RNF213: variants seen among roughly 807,000 people sequenced by gnomAD.
RNF213 encodes the protein E3 ubiquitin-protein ligase RNF213.
In RNF213, 341 loss-of-function variants were observed where a neutral mutation model predicts 514.4. The ratio of observed to expected loss-of-function variants is 0.66; its 90% CI spans 0.61 to 0.73. The LOEUF is 0.73. Among genes scored for constraint, RNF213 ranks in the 30% least tolerant of loss-of-function variants. RNF213 has a pLI of 0.00. For synonymous variants in RNF213, 2,655 were observed against 2,658.2 expected (o/e 1.00, Z 0.04); for missense variants, 5,767 against 6,615.6 (o/e 0.87, Z 4.45).
intron 36 of RNF213, 56 bp downstream of exon 36, chr17:80,354,632 C>A: frequency 6.2e-7 from 1 of 1,603,362 alleles, no homozygotes; most frequent in Non-Finnish European, 8.5e-7. Context: ...GCATGGGGAC[C>A]TGCCTGCAGG....
intron 42 of RNF213, among the ~76,000 whole-genome samples, chr17:80,366,010 T>A (rs1309547342): frequency 6.6e-6 from 1 of 152,206 alleles, no homozygotes; most frequent in Non-Finnish European, 1.5e-5. Context: ...CAGATCTCTG[T>A]GCAGGTAACC....
chr17:80,295,103 A>C, intron 9 of RNF213, 100 bp downstream of exon 9: 1 of 1,401,780 alleles, frequency 7.1e-7, no homozygotes, highest in Middle Eastern at 2.1e-4. Context: ...CAGGTTGCAA[A>C]TGGGAATGTG....
Position 80,273,394 on chromosome 17 carries a change from C to T in RNF213, c.251C>T (p.Thr84Ile). ...GAGCCCTGTTCCAAAGCCTCCTGGA[C>T]CGTCCAAGAAGTGAGTGCACTGCCT... Reference protein sequence around the residue: ...PEEPCSKASWTVQESKKKKRK... With the variant: ...PEEPCSKASWIVQESKKKKRK... Residue 84 changes from threonine (T) to isoleucine (I), a missense_variant, in exon 3 of 68, where the codon ACC becomes ATC. This residue lies in a region of RNF213 where 509 missense variants were observed against 496.7 expected (regional missense o/e 1.02). Transcript: ENST00000582970. The T allele has an allele frequency of 6.2e-7, 1 of 1,612,742 alleles. No homozygotes were observed. Among genetic ancestry groups the T allele is most frequent in the South Asian group, 1.1e-5 (1 of 91,068 alleles).
Position 80,326,955 on chromosome 17 carries a change from T to C in RNF213, c.3194-861T>C, listed in dbSNP as rs1359369081. 3.9e-5 allele frequency among the ~76,000 whole-genome samples: 6 copies of C among 152,340 alleles called. No individual in the cohort carries two copies. In the South Asian group the frequency reaches 1.0e-3, roughly 26 times the overall value. On this transcript the variant is annotated intron_variant, in intron 18 of 67. Coordinates refer to ENST00000582970, the MANE Select transcript of RNF213 (RefSeq NM_001256071.3). The stretch of plus-strand genomic sequence containing the variant: ...AAATCCTAAGTGGTTAAACAAAACA[T>C]GTATAAAAATTCTGCCCTCTAAATT...
At chr17:80,274,397 T>C (rs1048163565) in intron 3 of RNF213, among the ~76,000 whole-genome samples, 13 of 150,004 alleles carry the variant, frequency 8.7e-5, no homozygotes, top group African/African-American at 3.0e-4. Context: ...GAAGGGCTCC[T>C]GGGCTCTAGC....
At chr17:80,282,201 G>A (rs929534441) in intron 3 of RNF213, among the ~76,000 whole-genome samples, 1 of 152,082 alleles carries the variant, frequency 6.6e-6, no homozygotes, top group African/African-American at 2.4e-5. Context: ...CCTTACCACA[G>A]GCATCTGTAT....
chr17:80,274,563 A>G (rs1186365113), intron 3 of RNF213, among the ~76,000 whole-genome samples: 3 of 69,542 alleles, frequency 4.3e-5, no homozygotes, highest in African/African-American at 1.8e-4. Context: ...GTGGGAAGTG[A>G]TGCAGCCGCA....
chr17:80,325,935 TTGTA>T (rs1487135176), intron 18 of RNF213, among the ~76,000 whole-genome samples: 20 of 128,318 alleles, frequency 1.6e-4, no homozygotes, highest in Non-Finnish European at 2.7e-4. Flanking sequence ...TTTGTGTTAT[TTGTA>T]TTTATTTATT....
intron 61 of RNF213, among the ~76,000 whole-genome samples, 167 bp from the exon 62 acceptor site, chr17:80,386,083 G>A (rs1189956083): frequency 6.6e-6 from 1 of 152,126 alleles, no homozygotes; most frequent in Non-Finnish European, 1.5e-5. Flanking sequence ...CATCAAAAGG[G>A]AGCTGAAAGC....
intron 3 of RNF213, among the ~76,000 whole-genome samples, chr17:80,277,670 G>A (rs900767028): frequency 4.6e-5 from 7 of 151,684 alleles, no homozygotes; most frequent in African/African-American, 1.7e-4. Context: ...GAATACACAG[G>A]TGAATGCCGA....
chr17:80,325,782 A>G lies in RNF213; in HGVS notation c.3193+584A>G, dbSNP rs183065313. ...AGTTGGCGTGTGAGACCTTAGATTC[A>G]TATCTTTCAGTGAGAAGGCGCTGGA... On this transcript the variant is annotated intron_variant, in intron 18 of 67. Coordinates refer to ENST00000582970, the MANE Select transcript of RNF213 (RefSeq NM_001256071.3). Among the ~76,000 whole-genome samples the G allele has an allele frequency of 7.9e-5, 12 of 152,122 alleles. No homozygotes were observed. The East Asian group carries it at 1.9e-3, about 25-fold the overall frequency.
In RNF213 at chr17:80,347,695, C is replaced by A. The variant is rs142096377; in HGVS notation, c.9360C>A (p.Tyr3120Ter). Residue 3120 changes from tyrosine to a stop codon, truncating the protein, a stop_gained, in exon 29 of 68, where the codon TAC becomes TAA. Coordinates refer to ENST00000582970, the MANE Select transcript of RNF213 (RefSeq NM_001256071.3). LOFTEE classifies it high-confidence loss of function. This position sits in a 1 kb window ranked among gnomAD's most constrained non-coding sequence, Gnocchi z 7.2. Reference sequence around the variant, plus strand: ...TCTACGACGCACTCAACCAGTACTACGTCCACCTCGGCGGCCAGAAGTACG... The same window carrying A: ...TCTACGACGCACTCAACCAGTACTAAGTCCACCTCGGCGGCCAGAAGTACG... ...ESLYDALNQY[Y>*]VHLGGQKYVD... is the part of the protein sequence containing the mutation. 1 of 1,614,014 alleles carries A rather than the reference C, an allele frequency of 6.2e-7. No individual in the cohort carries two copies. Among genetic ancestry groups the A allele is most frequent in the East Asian group, 2.2e-5 (1 of 44,886 alleles).
At position 80,346,031 on chromosome 17, in the gene RNF213, T is replaced by C. The variant is rs2078298665; in HGVS notation, c.7696T>C (p.Tyr2566His). The change falls in exon 29 of 68, where the codon TAC becomes CAC. Residue 2566 changes from tyrosine (Y) to histidine (H), a missense_variant. Physicochemically the swap from Tyr to His is moderately conservative, Grantham distance 83 (BLOSUM62 2). This residue lies in a region of RNF213 where 1,377 missense variants were observed against 1,635.2 expected (regional missense o/e 0.84). Coordinates refer to ENST00000582970, the MANE Select transcript of RNF213 (RefSeq NM_001256071.3). This position sits in a 1 kb window ranked among gnomAD's most constrained non-coding sequence, Gnocchi z 8.1. Reference sequence around the variant, plus strand: ...CTCCATTCCTCTGAGGCAGCTGGTATACCGGGTCCATGCTCTGCCCCCGAG... The same window carrying C: ...CTCCATTCCTCTGAGGCAGCTGGTACACCGGGTCCATGCTCTGCCCCCGAG... ...LGSIPLRQLV[Y>H]RVHALPPSLI... 6.2e-7 allele frequency: 1 copy of C among 1,614,178 alleles called. No individual in the cohort carries two copies. The highest frequency in any genetic ancestry group is 1.3e-5 in the African/African-American group (1 of 75,052).
Position 80,343,873 on chromosome 17 carries a change from G to A in RNF213, c.6200G>A (p.Trp2067Ter). ...DVTSSVQTGI[W>*]VFLFKLLILQ... ...TGTTCTTAGGTGCAGACTGGAATTT[G>A]GGTGTTTCTTTTCAAGCTCCTCATT... Residue 2067 changes from tryptophan (W) to a stop codon, truncating the protein, a stop_gained, in exon 28 of 68, where the codon TGG becomes TAG. Coordinates refer to ENST00000582970, the MANE Select transcript of RNF213 (RefSeq NM_001256071.3). LOFTEE classifies it high-confidence loss of function. The surrounding 1 kb of genome is among the most constrained non-coding windows in gnomAD (Gnocchi z 4.3). The A allele has an allele frequency of 6.2e-7, 1 of 1,614,166 alleles. No individual in the cohort carries two copies. Among genetic ancestry groups the A allele is most frequent in the South Asian group, 1.1e-5 (1 of 91,066 alleles).
chr17:80,306,438 T>C lies in RNF213; in HGVS notation c.2397T>C (p.Leu799=). Residue 799 remains leucine (L), a synonymous_variant, in exon 12 of 68, where the codon CTT becomes CTC. Transcript: ENST00000582970. ...LDCLSGIYYR[L]PGLEQVLNTQ... ...GTCTTTCAGGGATTTACTACCGGCT[T>C]CCGGGACTTGAGCAAGTCTTGAATA... 6.2e-7 allele frequency: 1 copy of C among 1,614,152 alleles called. No homozygotes were observed.
chr17:80,295,820 T>C lies in RNF213; in HGVS notation c.2012+7T>C, dbSNP rs752601631. ...TCCTTGGGATACCTCAGAGGTATTA[T>C]TATTTTTTGTCAAAATGTTTTTTAT... On this transcript the variant is annotated splice_region_variant and intron_variant, in intron 10 of 67. Coordinates refer to ENST00000582970, the MANE Select transcript of RNF213 (RefSeq NM_001256071.3). 3 of 1,613,990 alleles carry C rather than the reference T, an allele frequency of 1.9e-6. No homozygotes were observed. The highest frequency in any genetic ancestry group is 2.2e-5 in the East Asian group (1 of 44,902).
intron 1 of RNF213, among the ~76,000 whole-genome samples, chr17:80,261,183 G>A (rs2043404351): frequency 6.6e-6 from 1 of 152,140 alleles, no homozygotes; most frequent in African/African-American, 2.4e-5. Flanking sequence ...CGCAGAGCGC[G>A]GAGGAGGCTT....
chr17:80,307,341 A>T, intron 13 of RNF213, 140 bp downstream of exon 13: 1 of 624,324 alleles, frequency 1.6e-6, no homozygotes. Flanking sequence ...TTCTCTTCTC[A>T]GGTTATTAAT....
chr17:80,326,091 T>C (rs1271555529), intron 18 of RNF213, among the ~76,000 whole-genome samples: 3 of 152,132 alleles, frequency 2.0e-5, no homozygotes, highest in African/African-American at 7.2e-5. Flanking sequence ...CCCAAGTAGC[T>C]GGGATTACAG....
Sources: allele counts gnomAD v4.1 joint callset (sites outside exome capture counted in the v4.1 genomes callset), GRCh38; gene constraint gnomAD v4.1.1; regional missense constraint gnomAD v4.1.1; non-coding constraint Gnocchi (gnomAD v3.1); transcripts MANE v1.5; gene names NCBI Gene and HGNC (gene_info 2026-07-23, HGNC 2026-07-21).